PDE1C: variants seen among roughly 807,000 people sequenced by gnomAD.
PDE1C encodes the protein phosphodiesterase 1C.
In PDE1C, 62 loss-of-function variants were observed where a neutral mutation model predicts 93.1. The observed-to-expected ratio is 0.67, with a 90% CI of 0.54 to 0.82. PDE1C has a LOEUF of 0.82. Among genes scored for constraint, PDE1C ranks in the 40% least tolerant of loss-of-function variants. PDE1C has a pLI of 0.00. For missense variants in PDE1C, 742 were observed against 884.6 expected (o/e 0.84, Z 2.04); for synonymous variants, 325 against 310.1 (o/e 1.05, Z -0.50).
intron 2 of PDE1C, among the ~76,000 whole-genome samples, chr7:31,928,384 C>T (rs1168666137): frequency 7.2e-5 from 11 of 152,028 alleles, no homozygotes; most frequent in Admixed American, 6.6e-4. Context: ...GGAGAATTTC[C>T]CCAACCTAGC....
chr7:31,979,990 C>T (rs1812170803), intron 2 of PDE1C, among the ~76,000 whole-genome samples: 1 of 152,086 alleles, frequency 6.6e-6, no homozygotes, highest in Non-Finnish European at 1.5e-5. Context: ...GAGATGGAGG[C>T]CTAAGTAAAT....
intron 2 of PDE1C, among the ~76,000 whole-genome samples, chr7:32,015,204 T>A (rs1161292071): frequency 1.3e-5 from 2 of 151,716 alleles, no homozygotes; most frequent in Non-Finnish European, 2.9e-5. Flanking sequence ...CTTCCCTTTA[T>A]AAATTACCCA....
chr7:32,217,137 C>T (rs1806494726), intron 1 of PDE1C, among the ~76,000 whole-genome samples: 1 of 152,226 alleles, frequency 6.6e-6, no homozygotes, highest in Non-Finnish European at 1.5e-5. Flanking sequence ...CCCAAGGTGT[C>T]TCCCTAACCC....
chr7:32,078,528 G>C (rs1366157776), intron 3 of PDE1C, among the ~76,000 whole-genome samples: 1 of 152,208 alleles, frequency 6.6e-6, no homozygotes, highest in Non-Finnish European at 1.5e-5. Flanking sequence ...CAGCAGCCTA[G>C]ATAATAACAG....
chr7:32,213,841 G>A (rs1806232259), intron 1 of PDE1C, among the ~76,000 whole-genome samples: 2 of 152,174 alleles, frequency 1.3e-5, no homozygotes, highest in Non-Finnish European at 2.9e-5. Flanking sequence ...TCAGTTGCGT[G>A]TCTAGGCTAC....
chr7:31,628,020 A>G, the PDE1C span, among the ~76,000 whole-genome samples: 3 of 152,344 alleles, frequency 2.0e-5, no homozygotes, highest in Admixed American at 1.3e-4. Context: ...CTCAAGGTTA[A>G]TAAGAGCAGA....
At chr7:32,011,657 A>G (rs1787132516) in intron 2 of PDE1C, among the ~76,000 whole-genome samples, 1 of 152,254 alleles carries the variant, frequency 6.6e-6, no homozygotes. Flanking sequence ...AATGGCTAAA[A>G]TTAAAAAGGC....
chr7:32,270,736 G>T (rs1422112783), intron 1 of PDE1C, among the ~76,000 whole-genome samples: 1 of 152,118 alleles, frequency 6.6e-6, no homozygotes, highest in East Asian at 1.9e-4. Flanking sequence ...AGTGCAGAGG[G>T]CTCTGGAGCA....
At chr7:32,375,704 C>T (rs1246179604) in intron 1 of PDE1C, among the ~76,000 whole-genome samples, 1 of 152,258 alleles carries the variant, frequency 6.6e-6, no homozygotes, top group Non-Finnish European at 1.5e-5. Context: ...TGGCTTCTAG[C>T]CTCTGCTCTG....
chr7:32,144,308 G>A lies in PDE1C; in HGVS notation c.308+25477C>T, dbSNP rs572549485. 3.9e-5 allele frequency among the ~76,000 whole-genome samples: 6 copies of A among 152,206 alleles called. No homozygotes were observed. The South Asian group carries it at 1.0e-3, about 26-fold the overall frequency. Reference sequence around the variant, plus strand: ...TATACAGGTAGGCATTTTCCCCAGGGTGCAACAGGACCCCTGGCAGCTCCA... The same window carrying A: ...TATACAGGTAGGCATTTTCCCCAGGATGCAACAGGACCCCTGGCAGCTCCA... On this transcript the variant is annotated intron_variant, in intron 3 of 18. Transcript: ENST00000396193.
At chr7:32,383,696 G>GT (rs1199442622) in intron 1 of PDE1C, among the ~76,000 whole-genome samples, 3 of 152,160 alleles carry the variant, frequency 2.0e-5, no homozygotes, top group Middle Eastern at 3.4e-3. Flanking sequence ...TGGATGGGTG[G>GT]TTGGATGGAT....
chr7:32,316,636 G>A (rs1475615851), intron 1 of PDE1C, among the ~76,000 whole-genome samples: 2 of 152,080 alleles, frequency 1.3e-5, no homozygotes, highest in Admixed American at 6.5e-5. Context: ...TTGACAAGAC[G>A]ACTGAAATCT....
At chr7:31,986,929 AAC>A (rs10551724) in intron 2 of PDE1C, among the ~76,000 whole-genome samples, 39,686 of 149,488 alleles carry the variant, frequency 0.27, 5,428 homozygotes, top group Non-Finnish European at 0.31. Context: ...ATTGAACACG[AAC>A]ACACACACAC....
chr7:32,035,595 T>C (rs1790957584), intron 2 of PDE1C, among the ~76,000 whole-genome samples: 1 of 152,206 alleles, frequency 6.6e-6, no homozygotes, highest in Admixed American at 6.6e-5. Context: ...TTGTTGTAAA[T>C]GATTTATACA....
intron 2 of PDE1C, among the ~76,000 whole-genome samples, chr7:32,012,757 T>C (rs749861779): frequency 1.3e-5 from 2 of 152,314 alleles, no homozygotes; most frequent in East Asian, 1.9e-4. Flanking sequence ...ATTTATTGTA[T>C]ATGTAATCAA....
intron 2 of PDE1C, among the ~76,000 whole-genome samples, chr7:31,931,535 A>T (rs112177835): frequency 2.6e-5 from 4 of 152,130 alleles, no homozygotes; most frequent in Non-Finnish European, 4.4e-5. Context: ...TTACAAACGA[A>T]GTGAAGGACC....
At chr7:32,312,978 G>A (rs1783083966) in intron 1 of PDE1C, among the ~76,000 whole-genome samples, 1 of 152,046 alleles carries the variant, frequency 6.6e-6, no homozygotes, top group Admixed American at 6.6e-5. Context: ...CCTACAAAAT[G>A]GGAGAAAATT....
At chr7:32,078,503 A>G (rs1430242160) in intron 3 of PDE1C, among the ~76,000 whole-genome samples, 1 of 152,216 alleles carries the variant, frequency 6.6e-6, no homozygotes, top group East Asian at 1.9e-4. Context: ...GGCTCCAGGA[A>G]AGTGGAAAGG....
At chr7:32,186,661 G>T (rs1803906349) in intron 2 of PDE1C, among the ~76,000 whole-genome samples, 1 of 151,650 alleles carries the variant, frequency 6.6e-6, no homozygotes, top group African/African-American at 2.4e-5. Flanking sequence ...ATTAATTAAT[G>T]TAATAATATT....
Sources: allele counts gnomAD v4.1 joint callset (sites outside exome capture counted in the v4.1 genomes callset), GRCh38; gene constraint gnomAD v4.1.1; transcripts MANE v1.5; gene names NCBI Gene and HGNC (gene_info 2026-07-23, HGNC 2026-07-21).